The following NARS1 variants were observed in gnomAD, a reference collection of about 807,000 sequenced individuals.
The protein encoded by NARS1 is asparagine--tRNA ligase, cytoplasmic.
In NARS1, 65 loss-of-function variants were observed where a neutral mutation model predicts 79.2. The observed-to-expected ratio is 0.82, with a 90% CI of 0.67 to 1.01. The LOEUF (loss-of-function observed/expected upper bound fraction) is 1.01. Among genes scored for constraint, NARS1 ranks in the 50% least tolerant of loss-of-function variants. The pLI, the probability that NARS1 is intolerant of heterozygous loss-of-function variation, is 0.00. For missense variants in NARS1, 649 were observed against 673.8 expected (o/e 0.96, Z 0.41); for synonymous variants, 229 against 238.8 (o/e 0.96, Z 0.38).
chr18:57,608,419 A>G lies in NARS1; in HGVS notation c.580-754T>C, dbSNP rs972575308. The stretch of plus-strand genomic sequence containing the variant: ...ACCACTGCATTCCAGCCTGCGCAAC[A>G]AGAGCGAAACTCCGTCTCAAAAAAA... On this transcript the variant is annotated intron_variant, in intron 7 of 13. Coordinates refer to ENST00000256854, the MANE Select transcript of NARS1 (RefSeq NM_004539.4). 2.1e-5 allele frequency among the ~76,000 whole-genome samples: 3 copies of G among 139,886 alleles called. No homozygotes were observed. In the Admixed American group the frequency reaches 2.3e-4, roughly 11 times the overall value. The allele number at this position is 139,886 out of a possible 152,430, so 91.8% of individuals were successfully genotyped here. A position where few individuals can be genotyped will look rare whatever the true frequency, so the allele number is the denominator to read the frequency against.
intron 5 of NARS1, among the ~76,000 whole-genome samples, chr18:57,611,917 C>T (rs1044077458): frequency 6.6e-6 from 1 of 151,748 alleles, no homozygotes; most frequent in Non-Finnish European, 1.5e-5. Flanking sequence ...CACATGCCAC[C>T]ACACCTGGCT....
At position 57,607,351 on chromosome 18, in the gene NARS1, A is replaced by G. The variant is rs752334806; in HGVS notation, c.802-18T>C. Reference sequence around the variant, plus strand: ...GGAGTAACCTGTTCAAATGCAAAGAAGGAATAAATCAATGCTATCGTGAGC... The same window carrying G: ...GGAGTAACCTGTTCAAATGCAAAGAGGGAATAAATCAATGCTATCGTGAGC... On this transcript the variant is annotated intron_variant, in intron 8 of 13. Coordinates refer to ENST00000256854, the MANE Select transcript of NARS1 (RefSeq NM_004539.4). 6.8e-6 allele frequency: 11 copies of G among 1,612,934 alleles called. No homozygotes were observed. In the Admixed American group the frequency reaches 1.7e-4, roughly 24 times the overall value.
chr18:57,602,148 G>A lies in NARS1; in HGVS notation c.1515+207C>T, dbSNP rs148121809. Among the ~76,000 whole-genome samples, 247 of 152,158 alleles carry A rather than the reference G, an allele frequency of 1.6e-3. 3 individuals carry two copies. The highest frequency in any genetic ancestry group is 1.9e-3 in the East Asian group (10 of 5,190). ...CTCAGTTGCAATCAACAAGCCGGCC[G>A]TTAAACAGGTTTTCAAATGAAATTA... On this transcript the variant is annotated intron_variant, in intron 13 of 13. Transcript: ENST00000256854.
At chr18:57,609,075 G>T (rs573528043) in intron 7 of NARS1, among the ~76,000 whole-genome samples, 1 of 152,200 alleles carries the variant, frequency 6.6e-6, no homozygotes, top group Non-Finnish European at 1.5e-5. Flanking sequence ...CAGACTGAAG[G>T]CTGCCCTGTC....
chr18:57,606,793 A>G, intron 9 of NARS1, 42 bp from the exon 10 acceptor site: 1 of 1,609,166 alleles, frequency 6.2e-7, no homozygotes, highest in Non-Finnish European at 8.5e-7. Context: ...TTTCTCCTGC[A>G]CTGGTTTTTT....
intron 2 of NARS1, among the ~76,000 whole-genome samples, chr18:57,618,766 G>A (rs117679126): frequency 0.056 from 8,516 of 152,076 alleles, 353 homozygotes; most frequent in Middle Eastern, 0.11. Context: ...ACCGCGTGTG[G>A]TGACATGCCC....
intron 4 of NARS1, among the ~76,000 whole-genome samples, chr18:57,614,811 C>T (rs939050400): frequency 6.6e-6 from 1 of 152,186 alleles, no homozygotes; most frequent in African/African-American, 2.4e-5. Flanking sequence ...ATTTACTTAA[C>T]TGTGTAATAA....
In NARS1 at chr18:57,621,824, A is replaced by G. The variant is rs1908319508; in HGVS notation, c.-107T>C. The G allele has an allele frequency of 3.8e-6, 6 of 1,585,020 alleles. No homozygotes were observed. In the Admixed American group the frequency reaches 1.1e-4, roughly 28 times the overall value. Reference sequence around the variant, plus strand: ...TTCCGCGATTCCGGCGTTGCATCAGAGAGCGTAGATCTGAGGGCGCCTGCG... The same window carrying G: ...TTCCGCGATTCCGGCGTTGCATCAGGGAGCGTAGATCTGAGGGCGCCTGCG... On this transcript the variant is annotated 5_prime_UTR_variant, in exon 1 of 14. Coordinates refer to ENST00000256854, the MANE Select transcript of NARS1 (RefSeq NM_004539.4).
At position 57,609,338 on chromosome 18, in the gene NARS1, C is replaced by A. The variant is rs188889474; in HGVS notation, c.579+19G>T. 1 of 1,588,664 alleles carries A rather than the reference C, an allele frequency of 6.3e-7. No individual in the cohort carries two copies. The highest frequency in any genetic ancestry group is 8.6e-7 in the Non-Finnish European group (1 of 1,158,328). ...AAATAAACTATTCATTCACCCAGTG[C>A]GAAACTCAATCCACTCACCTGCTTG... is the stretch of plus-strand genomic sequence containing the variant. On this transcript the variant is annotated intron_variant, in intron 7 of 13. Coordinates refer to ENST00000256854, the MANE Select transcript of NARS1 (RefSeq NM_004539.4).
intron 2 of NARS1, among the ~76,000 whole-genome samples, chr18:57,617,333 G>A (rs1005809657): frequency 1.3e-5 from 2 of 151,994 alleles, no homozygotes; most frequent in Non-Finnish European, 2.9e-5. Flanking sequence ...AGCACTTTGT[G>A]AGGCCGAGGT....
intron 6 of NARS1, 127 bp downstream of exon 6, chr18:57,611,510 T>C: frequency 1.7e-6 from 1 of 605,564 alleles, no homozygotes; most frequent in African/African-American, 2.0e-5. Context: ...TGGTATACAA[T>C]GTGATGTTTT....
intron 4 of NARS1, among the ~76,000 whole-genome samples, chr18:57,614,024 A>T (rs571480599): frequency 6.6e-6 from 1 of 152,306 alleles, no homozygotes; most frequent in East Asian, 1.9e-4. Flanking sequence ...AGTCCACATG[A>T]AGCCTTTTCC....
At position 57,615,854 on chromosome 18, in the gene NARS1, C is replaced by A; in HGVS notation, c.215G>T (p.Arg72Met). 6.2e-7 allele frequency: 1 copy of A among 1,613,480 alleles called. No individual in the cohort carries two copies. Among genetic ancestry groups the A allele is most frequent in the Non-Finnish European group, 8.5e-7 (1 of 1,179,808 alleles). ...CCGGGATTCACTCTTCATTTGTTCCCTATGCCACATCTTTTTAATGTTCTT... is the reference window on the plus strand; with the variant it reads ...CCGGGATTCACTCTTCATTTGTTCCATATGCCACATCTTTTTAATGTTCTT... ...QLKNIKKMWH[R>M]EQMKSESREK... The change falls in exon 3 of 14, where the codon AGG becomes ATG. Residue 72 changes from arginine (R) to methionine (M), a missense_variant. Physicochemically the swap from Arg to Met is moderately conservative, Grantham distance 91. Coordinates refer to ENST00000256854, the MANE Select transcript of NARS1 (RefSeq NM_004539.4).
chr18:57,609,990 T>A lies in NARS1; in HGVS notation c.493-547A>T, dbSNP rs1460570808. On this transcript the variant is annotated intron_variant, in intron 6 of 13. Coordinates refer to ENST00000256854, the MANE Select transcript of NARS1 (RefSeq NM_004539.4). ...TGGGCCTGGGAAGTCGAGGCTGCAA[T>A]GAGCTATGATGATGCCACTGTACTC... Among the ~76,000 whole-genome samples, 3 of 152,050 alleles carry A rather than the reference T, an allele frequency of 2.0e-5. No individual in the cohort carries two copies. In the South Asian group the frequency reaches 6.2e-4, roughly 32 times the overall value.
chr18:57,621,791 C>G lies in NARS1; in HGVS notation c.-74G>C. On this transcript the variant is annotated 5_prime_UTR_variant, in exon 1 of 14. Coordinates refer to ENST00000256854, the MANE Select transcript of NARS1 (RefSeq NM_004539.4). ...CGCCGTCTTATGACTCCAACGTGCA[C>G]CGGCGGTTTCCGCGATTCCGGCGTT... 6.2e-7 allele frequency: 1 copy of G among 1,609,056 alleles called. No homozygotes were observed. Among genetic ancestry groups the G allele is most frequent in the Non-Finnish European group, 8.5e-7 (1 of 1,178,600 alleles).
intron 11 of NARS1, among the ~76,000 whole-genome samples, chr18:57,603,896 C>G (rs1357899481): frequency 1.4e-5 from 2 of 140,866 alleles, no homozygotes; most frequent in African/African-American, 2.6e-5. Context: ...TTTCATACCC[C>G]CCAAAGCCTG....
At position 57,606,894 on chromosome 18, in the gene NARS1, C is replaced by G. The variant is rs924921795; in HGVS notation, c.1002-143G>C. The G allele has an allele frequency of 2.7e-4, 275 of 1,037,214 alleles. 1 individual carries two copies. The African/African-American group carries it at 4.0e-3, about 15-fold the overall frequency. The allele number at this position is 1,037,214 out of a possible 1,614,324, so 64.3% of individuals were successfully genotyped here. Reference sequence around the variant, plus strand: ...CTTTGCAAATTAGCTGTGGACTCCCCTCTTCTCCACTGAGTAGCAATTTCT... The same window carrying G: ...CTTTGCAAATTAGCTGTGGACTCCCGTCTTCTCCACTGAGTAGCAATTTCT... On this transcript the variant is annotated intron_variant, in intron 9 of 13. Coordinates refer to ENST00000256854, the MANE Select transcript of NARS1 (RefSeq NM_004539.4).
intron 1 of NARS1, among the ~76,000 whole-genome samples, chr18:57,621,089 A>T (rs919963598): frequency 6.6e-6 from 1 of 152,198 alleles, no homozygotes; most frequent in Non-Finnish European, 1.5e-5. Flanking sequence ...ATGAAATAAA[A>T]TAACACATAC....
Position 57,601,666 on chromosome 18 carries a change from G to A in NARS1, c.1633C>T (p.Arg545Cys), listed in dbSNP as rs770931044. 1.4e-5 allele frequency: 22 copies of A among 1,613,728 alleles called. No individual in the cohort carries two copies. The highest frequency in any genetic ancestry group is 8.8e-5 in the South Asian group (8 of 91,070). Residue 545 changes from arginine (R) to cysteine (C), a missense_variant, in exon 14 of 14, where the codon CGT becomes TGT. Coordinates refer to ENST00000256854, the MANE Select transcript of NARS1 (RefSeq NM_004539.4). Reference protein sequence around the residue: ...DVCLYPRFVQRCTP With the variant: ...DVCLYPRFVQCCTP Reference sequence around the variant, plus strand: ...GGAGAAAATGGTTATGGCGTGCAACGCTGGACAAATCGAGGGTATAAGCAC... The same window carrying A: ...GGAGAAAATGGTTATGGCGTGCAACACTGGACAAATCGAGGGTATAAGCAC...
Sources: allele counts gnomAD v4.1 joint callset (sites outside exome capture counted in the v4.1 genomes callset), GRCh38; gene constraint gnomAD v4.1.1; transcripts MANE v1.5; gene names NCBI Gene and HGNC (gene_info 2026-07-23, HGNC 2026-07-21).